Variants in NUTM1 observed in about 807,000 individuals in gnomAD.
NUTM1 encodes NUT midline carcinoma family member 1, also known as NUT family member 1.
NUTM1 carries 39 observed loss-of-function variants against 88.7 expected under a neutral mutation model. The ratio of observed to expected loss-of-function variants is 0.44; its 90% confidence interval spans 0.34 to 0.57. NUTM1 has a LOEUF of 0.57. Among genes scored for constraint, NUTM1 ranks in the 20% least tolerant of loss-of-function variants. The pLI, the probability that NUTM1 is intolerant of heterozygous loss-of-function variation, is 0.01. For missense variants in NUTM1, 1,350 were observed against 1,414.5 expected (o/e 0.95, Z 0.73); for synonymous variants, 494 against 538.0 (o/e 0.92, Z 1.13).
At position 34,355,666 on chromosome 15, in the gene NUTM1, A is replaced by G; in HGVS notation, c.1658A>G (p.Lys553Arg). The G allele has an allele frequency of 6.2e-7, 1 of 1,608,570 alleles. No homozygotes were observed. The highest frequency in any genetic ancestry group is 8.5e-7 in the Non-Finnish European group (1 of 1,177,204). Residue 553 changes from lysine (K) to arginine (R), a missense_variant, in exon 8 of 8, where the codon AAG (lysine) becomes AGG (arginine). Lys to Arg is a conservative substitution (Grantham distance 26). Transcript: ENST00000537011. This position sits in a 1 kb window ranked among gnomAD's most constrained non-coding sequence, Gnocchi z 4.3. The stretch of plus-strand genomic sequence containing the variant: ...GCTGGGGGCGCCGCTTGCCTTGGAA[A>G]GGTTTCTTCTTCAGGAAAACGGGCA... ...QGAGGAACLGKVSSSGKRARE... is the reference protein window; with the variant it reads ...QGAGGAACLGRVSSSGKRARE...
intron 2 of NUTM1, among the ~76,000 whole-genome samples, chr15:34,346,738 C>T (rs1391337726): frequency 6.8e-6 from 1 of 146,630 alleles, no homozygotes; most frequent in Non-Finnish European, 1.5e-5. Context: ...CAAAAATTAG[C>T]TGGATGTGGT....
intron 1 of NUTM1, among the ~76,000 whole-genome samples, chr15:34,345,222 A>G (rs945669632): frequency 2.6e-5 from 4 of 152,228 alleles, no homozygotes; most frequent in African/African-American, 9.6e-5. Flanking sequence ...GGCCTGAAAT[A>G]GTCGCCAGGA....
intron 4 of NUTM1, among the ~76,000 whole-genome samples, chr15:34,352,607 G>A (rs1890728627): frequency 6.8e-6 from 1 of 147,718 alleles, no homozygotes; most frequent in Non-Finnish European, 1.5e-5. Context: ...GACCATTCTG[G>A]CTAACACGGT....
chr15:34,354,041 G>T (rs925669588), intron 5 of NUTM1, among the ~76,000 whole-genome samples, 169 bp downstream of exon 5: 1 of 152,134 alleles, frequency 6.6e-6, no homozygotes, highest in Non-Finnish European at 1.5e-5. Context: ...GGGTTCTCAG[G>T]TTCCTTTTGC....
At position 34,343,492 on chromosome 15, in the gene NUTM1, AGAAG is replaced by A; in HGVS notation, c.-204_-201del. On this transcript the variant is annotated 5_prime_UTR_variant, in exon 1 of 8. Coordinates refer to ENST00000537011, the MANE Select transcript of NUTM1 (RefSeq NM_001284292.2). ...AGAGCCCCTTTACCCTAGGGAAGAAAGAAGAGGTTTTCTTCCCTCCCCTCTTTTA... is the reference window on the plus strand; with the variant it reads ...AGAGCCCCTTTACCCTAGGGAAGAAAAGGTTTTCTTCCCTCCCCTCTTTTA... 2 of 1,225,662 alleles carry A rather than the reference AGAAG, an allele frequency of 1.6e-6. No individual in the cohort carries two copies. The highest frequency in any genetic ancestry group is 2.2e-6 in the Non-Finnish European group (2 of 893,596). The allele number at this position is 1,225,662 out of a possible 1,614,324, so 75.9% of individuals were successfully genotyped here.
At chr15:34,354,861 A>G in intron 6 of NUTM1, 129 bp downstream of exon 6, 4 of 1,035,306 alleles carry the variant, frequency 3.9e-6, no homozygotes, top group South Asian at 1.3e-5. Flanking sequence ...ATGTGTGTGC[A>G]TGCATCATCA....
Position 34,346,158 on chromosome 15 carries a change from G to A in NUTM1, c.100+123G>A, listed in dbSNP as rs1205806228. The A allele has an allele frequency of 5.1e-6, 5 of 971,938 alleles. No individual in the cohort carries two copies. In the African/African-American group the frequency reaches 8.0e-5, roughly 16 times the overall value. The allele number at this position is 971,938 out of a possible 1,614,324, so 60.2% of individuals were successfully genotyped here. ...CCGTCAAAGGTATCACACTTGGGGAGGCTAGGGAAGGAGATTGTACCTTTA... is the reference window on the plus strand; with the variant it reads ...CCGTCAAAGGTATCACACTTGGGGAAGCTAGGGAAGGAGATTGTACCTTTA... On this transcript the variant is annotated intron_variant, in intron 2 of 7. Coordinates refer to ENST00000537011, the MANE Select transcript of NUTM1 (RefSeq NM_001284292.2).
In NUTM1 at chr15:34,357,248, C is replaced by T; in HGVS notation, c.3240C>T (p.Ser1080=). Residue 1080 remains serine, a synonymous_variant, in exon 8 of 8, where the codon TCC becomes TCT. Coordinates refer to ENST00000537011, the MANE Select transcript of NUTM1 (RefSeq NM_001284292.2). ...ASGGQGSQRA[S]HLLPAGAKGP... The stretch of plus-strand genomic sequence containing the variant: ...GAGGTCAGGGCAGCCAGAGAGCATC[C>T]CACCTGCTCCCTGCTGGAGCAAAAG... 6.2e-7 allele frequency: 1 copy of T among 1,614,064 alleles called. No homozygotes were observed. Among genetic ancestry groups the T allele is most frequent in the Non-Finnish European group, 8.5e-7 (1 of 1,179,986 alleles).
chr15:34,351,529 A>G (rs573921892), intron 4 of NUTM1, among the ~76,000 whole-genome samples: 226 of 152,084 alleles, frequency 1.5e-3, no homozygotes, highest in African/African-American at 5.1e-3. Flanking sequence ...CTCCCCCCTC[A>G]CCAGATCCTG....
chr15:34,352,644 A>C (rs1485044822), intron 4 of NUTM1, among the ~76,000 whole-genome samples: 11 of 25,492 alleles, frequency 4.3e-4, no homozygotes, highest in African/African-American at 2.4e-4. Flanking sequence ...TAAAAATACA[A>C]AAAAAAAAAA....
At chr15:34,346,832 A>G (rs1344977041) in intron 2 of NUTM1, among the ~76,000 whole-genome samples, 3 of 125,502 alleles carry the variant, frequency 2.4e-5, no homozygotes, top group Non-Finnish European at 4.8e-5. Flanking sequence ...GCAGTGAGCT[A>G]AGATCGTGCT....
intron 3 of NUTM1, 73 bp downstream of exon 3, chr15:34,348,750 T>TCC: frequency 1.9e-6 from 2 of 1,050,386 alleles, no homozygotes; most frequent in Non-Finnish European, 2.8e-6. Flanking sequence ...AACATAGTAG[T>TCC]TTAGGCTGTT....
intron 3 of NUTM1, among the ~76,000 whole-genome samples, chr15:34,349,260 G>C (rs1890664254): frequency 6.6e-6 from 1 of 152,214 alleles, no homozygotes; most frequent in African/African-American, 2.4e-5. Flanking sequence ...CCACTCACTA[G>C]ATTTGTGATC....
chr15:34,347,688 T>C (rs111560080), intron 2 of NUTM1, among the ~76,000 whole-genome samples: 5 of 151,844 alleles, frequency 3.3e-5, no homozygotes, highest in Non-Finnish European at 4.4e-5. Context: ...CCCGTCTCTA[T>C]TAAAAATACA....
Position 34,345,961 on chromosome 15 carries a change from C to A in NUTM1, c.26C>A (p.Pro9His), listed in dbSNP as rs774949005. 12 of 1,613,986 alleles carry A rather than the reference C, an allele frequency of 7.4e-6. No homozygotes were observed. The highest frequency in any genetic ancestry group is 1.1e-5 in the South Asian group (1 of 91,076). ...AGCCAGGTTACTCTGGGTCCTGGACCTGACTGCCTCATTCTGGAGGCTTCC... is the reference window on the plus strand; with the variant it reads ...AGCCAGGTTACTCTGGGTCCTGGACATGACTGCCTCATTCTGGAGGCTTCC... MVVTLGPG[P>H]DCLILEASRQ... is the part of the protein sequence containing the mutation. The change falls in exon 2 of 8, where the codon CCT (proline) becomes CAT (histidine). Residue 9 changes from proline to histidine, a missense_variant. This residue lies in a region of NUTM1 where 399 missense variants were observed against 397.9 expected (regional missense o/e 1.00). Coordinates refer to ENST00000537011, the MANE Select transcript of NUTM1 (RefSeq NM_001284292.2).
chr15:34,353,646 C>G lies in NUTM1; in HGVS notation c.939-90C>G, dbSNP rs1890747351. ...AGACTTTGCCCACCTGAGAGCACTT[C>G]CTTTCTTGGCCATGCTTGGCTGTCG... On this transcript the variant is annotated intron_variant, in intron 4 of 7. Transcript: ENST00000537011. 61 of 1,521,888 alleles carry G rather than the reference C, an allele frequency of 4.0e-5. 1 individual carries two copies. The South Asian group carries it at 7.2e-4, about 18-fold the overall frequency. The allele number at this position is 1,521,888 out of a possible 1,614,324, so 94.3% of individuals were successfully genotyped here.
Position 34,355,097 on chromosome 15 carries a change from T to C in NUTM1, c.1439T>C (p.Ile480Thr), listed in dbSNP as rs1300182242. The C allele has an allele frequency of 1.2e-6, 2 of 1,613,672 alleles. No individual in the cohort carries two copies. The highest frequency in any genetic ancestry group is 2.2e-5 in the East Asian group (1 of 44,890). ...PEKQRDPLAL[I>T]EELEQEEGLT... ...AAACAGAGAGATCCCTTGGCCTTAATTGAGGAGCTAGAGCAAGAAGAAGGA... is the reference window on the plus strand; with the variant it reads ...AAACAGAGAGATCCCTTGGCCTTAACTGAGGAGCTAGAGCAAGAAGAAGGA... Residue 480 changes from isoleucine to threonine, a missense_variant, in exon 7 of 8, where the codon ATT becomes ACT. Around this residue, in one of 5 missense-constraint regions of NUTM1, gnomAD observed 126 missense variants for 189.8 expected, o/e 0.66. Transcript: ENST00000537011. The surrounding 1 kb of genome is among the most constrained non-coding windows in gnomAD (Gnocchi z 4.3).
chr15:34,350,817 A>G lies in NUTM1; in HGVS notation c.923A>G (p.Tyr308Cys), dbSNP rs776595372. The stretch of plus-strand genomic sequence containing the variant: ...AGCAACTTTGACCGGATGATCTTTT[A>G]TGAGATGGCAGAAAGGTGAGTTCGA... ...HTSNFDRMIF[Y>C]EMAERFMEFE... Residue 308 changes from tyrosine (Y) to cysteine (C), a missense_variant, in exon 4 of 8, where the codon TAT becomes TGT. Around this residue, in one of 5 missense-constraint regions of NUTM1, gnomAD observed 399 missense variants for 397.9 expected, o/e 1.00. Transcript: ENST00000537011. 9 of 1,614,122 alleles carry G rather than the reference A, an allele frequency of 5.6e-6. No homozygotes were observed. The Admixed American group carries it at 8.3e-5, about 15-fold the overall frequency.
chr15:34,351,696 G>T (rs1039238061), intron 4 of NUTM1, among the ~76,000 whole-genome samples: 2 of 152,096 alleles, frequency 1.3e-5, no homozygotes, highest in African/African-American at 4.8e-5. Flanking sequence ...GTAGCAAGTG[G>T]CTATTGATAC....
Sources: gnomAD v4.1 joint callset for allele counts (sites outside exome capture counted in the v4.1 genomes callset) on GRCh38, gnomAD v4.1.1 for gene constraint, gnomAD v4.1.1 regional missense constraint, Gnocchi (gnomAD v3.1) non-coding constraint, MANE v1.5 for transcripts, NCBI Gene and HGNC (gene_info 2026-07-23, HGNC 2026-07-21) for gene names.